WDR27: variants seen among roughly 807,000 people sequenced by gnomAD.
WDR27 encodes WD repeat domain 27, also known as WD repeat-containing protein 27.
In WDR27, 100 loss-of-function variants were observed where a neutral mutation model predicts 114.4. The ratio of observed to expected loss-of-function variants is 0.87; its 90% confidence interval spans 0.74 to 1.03. The LOEUF is 1.03. WDR27 is among the 50% of genes least tolerant of loss of function. The probability of loss-of-function intolerance (pLI) is 0.00; values close to 1 mark genes in which losing one functional copy is unlikely to be tolerated. For synonymous variants in WDR27, 449 were observed against 423.1 expected (o/e 1.06, Z -0.75); for missense variants, 1,129 against 1,092.9 (o/e 1.03, Z -0.47).
Position 169,607,393 on chromosome 6 carries a change from TACACAC to T in WDR27, c.2322-5078_2322-5073del, listed in dbSNP as rs199658563. Among the ~76,000 whole-genome samples the T allele has an allele frequency of 1.9e-3, 192 of 99,488 alleles. 3 individuals are homozygous for T. In the Middle Eastern group the frequency reaches 0.024, roughly 12 times the overall value. The allele number at this position is 99,488 out of a possible 152,430, so 65.3% of individuals were successfully genotyped here. On this transcript the variant is annotated intron_variant, in intron 22 of 25. Coordinates refer to ENST00000448612, the MANE Select transcript of WDR27 (RefSeq NM_182552.5). ...AAAATGTAGTATACTTGTGTGTGTATACACACACACACACACACACACACACACACA... is the reference window on the plus strand; with the variant it reads ...AAAATGTAGTATACTTGTGTGTGTATACACACACACACACACACACACACA...
At chr6:169,553,984 T>C (rs942448082) in intron 25 of WDR27, among the ~76,000 whole-genome samples, 2 of 152,236 alleles carry the variant, frequency 1.3e-5, no homozygotes, top group African/African-American at 2.4e-5. Flanking sequence ...TTTTGATCTT[T>C]AAAATGAAAT....
In WDR27 at chr6:169,701,819, C is replaced by T. The variant is rs868804941; in HGVS notation, c.-276G>A. On this transcript the variant is annotated 5_prime_UTR_variant, in exon 1 of 26. Coordinates refer to ENST00000448612, the MANE Select transcript of WDR27 (RefSeq NM_182552.5). ...CTCAGCGGAGCCGCGAGCAACCGCG[C>T]AGCCCCCGCGCTCCAGCCCTGCGCC... 1.1e-4 allele frequency: 32 copies of T among 295,100 alleles called. No individual in the cohort carries two copies. The highest frequency in any genetic ancestry group is 7.1e-4 in the African/African-American group (30 of 42,480). The allele number at this position is 295,100 out of a possible 1,614,324, so 18.3% of individuals were successfully genotyped here. A position where few individuals can be genotyped will look rare whatever the true frequency, so the allele number is the denominator to read the frequency against.
chr6:169,481,439 C>T (rs1788043561), intron 25 of WDR27, among the ~76,000 whole-genome samples: 2 of 152,222 alleles, frequency 1.3e-5, no homozygotes, highest in African/African-American at 4.8e-5. Flanking sequence ...CCAACAGCAG[C>T]AACCTGCTCG....
At chr6:169,667,500 C>T (rs575693554) in intron 5 of WDR27, 7 of 548,024 alleles carry the variant, frequency 1.3e-5, no homozygotes, top group African/African-American at 8.2e-5. Context: ...AGGCACCAAG[C>T]GGAAACTGTA....
At chr6:169,589,581 T>A (rs1441256391) in intron 23 of WDR27, among the ~76,000 whole-genome samples, 2 of 152,202 alleles carry the variant, frequency 1.3e-5, no homozygotes, top group African/African-American at 2.4e-5. Flanking sequence ...ATGAAACATC[T>A]TTTGGTCCAG....
chr6:169,523,833 C>T (rs2865096), intron 25 of WDR27, among the ~76,000 whole-genome samples: 137,035 of 152,166 alleles, frequency 0.9, 62,769 homozygotes, highest in African/African-American at 0.96. Flanking sequence ...ACAGCTAACA[C>T]TGTACTGAAT....
intron 23 of WDR27, among the ~76,000 whole-genome samples, chr6:169,588,474 T>C (rs553946516): frequency 2.0e-5 from 3 of 152,314 alleles, no homozygotes; most frequent in Admixed American, 1.3e-4. Context: ...TTTCAAGTTG[T>C]TGAAAATCTC....
At chr6:169,605,189 A>G (rs57291735) in intron 22 of WDR27, among the ~76,000 whole-genome samples, 1,981 of 150,386 alleles carry the variant, frequency 0.013, 41 homozygotes, top group African/African-American at 0.046. Flanking sequence ...CTGCTCACTG[A>G]TAATATAATC....
At chr6:169,629,176 G>T (rs2128211055) in intron 21 of WDR27, among the ~76,000 whole-genome samples, 1 of 152,222 alleles carries the variant, frequency 6.6e-6, no homozygotes, top group East Asian at 1.9e-4. Flanking sequence ...GTTAGCTAAA[G>T]TTAAAAGAAT....
chr6:169,562,943 G>A (rs117415118), intron 25 of WDR27, among the ~76,000 whole-genome samples: 1,770 of 152,250 alleles, frequency 0.012, 35 homozygotes, highest in African/African-American at 0.036. Context: ...TGCCTGGCCT[G>A]GCTCAGAGTC....
At chr6:169,488,101 T>C (rs1789192782) in intron 25 of WDR27, among the ~76,000 whole-genome samples, 1 of 152,212 alleles carries the variant, frequency 6.6e-6, no homozygotes, top group South Asian at 2.1e-4. Context: ...TTTCCCCATT[T>C]ATTAACATGG....
chr6:169,645,832 A>T (rs1261961277), intron 16 of WDR27, among the ~76,000 whole-genome samples: 2 of 146,334 alleles, frequency 1.4e-5, no homozygotes, highest in Non-Finnish European at 3.0e-5. Context: ...CACTGTAGAA[A>T]AGCCTAGTTC....
chr6:169,629,693 G>A (rs1469309949), intron 21 of WDR27, among the ~76,000 whole-genome samples: 2 of 152,030 alleles, frequency 1.3e-5, no homozygotes, highest in Non-Finnish European at 2.9e-5. Flanking sequence ...TTGGGAGGCC[G>A]AGACAGGCAG....
intron 21 of WDR27, among the ~76,000 whole-genome samples, chr6:169,622,537 G>C (rs1298519051): frequency 2.0e-5 from 3 of 152,096 alleles, no homozygotes; most frequent in Non-Finnish European, 2.9e-5. Context: ...TTCACTGAAT[G>C]TTTATAGAAA....
chr6:169,621,739 T>TAC (rs143278642), intron 21 of WDR27, among the ~76,000 whole-genome samples: 5,655 of 134,008 alleles, frequency 0.042, 150 homozygotes, highest in South Asian at 0.087. Flanking sequence ...CACATATACA[T>TAC]ACACACACAC....
Position 169,602,305 on chromosome 6 carries a change from C to A in WDR27, c.2338G>T (p.Glu780Ter). 1 of 1,554,058 alleles carries A rather than the reference C, an allele frequency of 6.4e-7. No homozygotes were observed. The highest frequency in any genetic ancestry group is 8.7e-7 in the Non-Finnish European group (1 of 1,146,046). The change falls in exon 23 of 26, where the codon GAA becomes TAA. Residue 780 changes from glutamate to a stop codon, truncating the protein, a stop_gained. Transcript: ENST00000448612. LOFTEE classifies it high-confidence loss of function. Reference sequence around the variant, plus strand: ...GGATAGCCGCGGGTTGGATGCCCTTCAAAGTGGCGCTCACACCTACAGGGA... The same window carrying A: ...GGATAGCCGCGGGTTGGATGCCCTTAAAAGTGGCGCTCACACCTACAGGGA... The part of the protein sequence containing the change: ...LRTLRCERHF[E>*]GHPTRGYPCG...
intron 25 of WDR27, among the ~76,000 whole-genome samples, chr6:169,516,034 A>C (rs1305961585): frequency 6.6e-6 from 1 of 152,172 alleles, no homozygotes; most frequent in Non-Finnish European, 1.5e-5. Flanking sequence ...TATAAATACA[A>C]AAATAGCTAA....
intron 25 of WDR27, among the ~76,000 whole-genome samples, chr6:169,550,967 C>T (rs891504923): frequency 4.6e-5 from 7 of 152,142 alleles, no homozygotes; most frequent in African/African-American, 9.7e-5. Context: ...CTGCCTACCT[C>T]GGCCTCTCAA....
chr6:169,601,089 G>A (rs1472859620), intron 23 of WDR27, among the ~76,000 whole-genome samples: 1 of 152,214 alleles, frequency 6.6e-6, no homozygotes, highest in South Asian at 2.1e-4. Flanking sequence ...ACAAAGGGAA[G>A]CCCATCAGAC....
Sources: allele counts gnomAD v4.1 joint callset (sites outside exome capture counted in the v4.1 genomes callset), GRCh38; gene constraint gnomAD v4.1.1; transcripts MANE v1.5; gene names NCBI Gene and HGNC (gene_info 2026-07-23, HGNC 2026-07-21).